NELL1: variants seen among roughly 807,000 people sequenced by gnomAD.
The protein encoded by NELL1 is neural EGFL like 1.
Under a neutral mutation model 107.4 loss-of-function variants are expected in NELL1, and 76 were observed. The ratio of observed to expected loss-of-function variants is 0.71; its 90% CI spans 0.59 to 0.86. The LOEUF (loss-of-function observed/expected upper bound fraction) is 0.86, where lower values mean the gene tolerates loss of function less well. Ranked by LOEUF, NELL1 falls within the 40% of genes least tolerant of loss-of-function variation. The pLI, the probability that NELL1 is intolerant of heterozygous loss-of-function variation, is 0.00. For missense variants in NELL1, 1,024 were observed against 1,005.5 expected (o/e 1.02, Z -0.25); for synonymous variants, 353 against 341.2 (o/e 1.03, Z -0.38).
At chr11:21,327,918 G>A (rs1850182213) in intron 14 of NELL1, among the ~76,000 whole-genome samples, 1 of 152,154 alleles carries the variant, frequency 6.6e-6, no homozygotes, top group Admixed American at 6.6e-5. Context: ...AGATGATTTA[G>A]GGTATCTGGG....
chr11:21,512,620 T>C lies in NELL1; in HGVS notation c.1646-21754T>C, dbSNP rs1019165007. Among the ~76,000 whole-genome samples the C allele has an allele frequency of 2.6e-5, 4 of 152,096 alleles. No individual in the cohort carries two copies. In the East Asian group the frequency reaches 7.7e-4, roughly 29 times the overall value. ...GGGGAAATGAAAACCAACGTGTATATTCACCTACTACAAATAGTAGTAGAA... is the reference window on the plus strand; with the variant it reads ...GGGGAAATGAAAACCAACGTGTATACTCACCTACTACAAATAGTAGTAGAA... On this transcript the variant is annotated intron_variant, in intron 15 of 19. Transcript: ENST00000357134.
chr11:21,245,244 G>T (rs540043514), intron 14 of NELL1, among the ~76,000 whole-genome samples: 33 of 152,186 alleles, frequency 2.2e-4, no homozygotes, highest in Non-Finnish European at 3.7e-4. Flanking sequence ...CTGTGAAATA[G>T]CTCAGTGGTT....
At chr11:21,077,963 TATA>T (rs1854180504) in intron 12 of NELL1, among the ~76,000 whole-genome samples, 1 of 152,016 alleles carries the variant, frequency 6.6e-6, no homozygotes, top group South Asian at 2.1e-4. Context: ...TAGTAAATTA[TATA>T]ATAACATTTT....
chr11:21,337,193 G>A (rs969355379), intron 14 of NELL1, among the ~76,000 whole-genome samples: 2 of 152,180 alleles, frequency 1.3e-5, no homozygotes, highest in African/African-American at 4.8e-5. Flanking sequence ...GGCCTGGGGT[G>A]TACTAGTCAG....
At chr11:21,216,556 C>T (rs988147698) in intron 13 of NELL1, among the ~76,000 whole-genome samples, 3 of 152,198 alleles carry the variant, frequency 2.0e-5, no homozygotes, top group Non-Finnish European at 4.4e-5. Flanking sequence ...CCATGGCAGC[C>T]CACCTCTTGC....
At chr11:21,145,994 C>T (rs2041872555) in intron 13 of NELL1, among the ~76,000 whole-genome samples, 2 of 152,126 alleles carry the variant, frequency 1.3e-5, no homozygotes, top group Admixed American at 1.3e-4. Flanking sequence ...AGACTGTGTG[C>T]CCTCAGACTG....
chr11:21,437,895 G>A (rs925346652), intron 15 of NELL1, among the ~76,000 whole-genome samples: 3 of 152,114 alleles, frequency 2.0e-5, no homozygotes, highest in Non-Finnish European at 4.4e-5. Context: ...TTGCATTCAA[G>A]GTTGTTAGTG....
At chr11:21,144,966 T>C (rs1262766344) in intron 13 of NELL1, among the ~76,000 whole-genome samples, 1 of 152,166 alleles carries the variant, frequency 6.6e-6, no homozygotes, top group Non-Finnish European at 1.5e-5. Context: ...GGGCAAATCA[T>C]TTTAACCTCT....
intron 15 of NELL1, among the ~76,000 whole-genome samples, chr11:21,528,482 C>T (rs1208397478): frequency 6.8e-6 from 1 of 147,902 alleles, no homozygotes; most frequent in Non-Finnish European, 1.5e-5. Context: ...TGTTTCCTCT[C>T]TTGCCATGTG....
intron 12 of NELL1, among the ~76,000 whole-genome samples, chr11:20,962,505 T>C (rs537322956): frequency 6.6e-5 from 10 of 152,176 alleles, no homozygotes; most frequent in East Asian, 1.9e-4. Flanking sequence ...ATAGCCACCA[T>C]TCCTGACCCC....
Position 21,295,144 on chromosome 11 carries a change from A to G in NELL1, c.1549+65690A>G, listed in dbSNP as rs115746668. Among the ~76,000 whole-genome samples the G allele has an allele frequency of 8.9e-3, 1,359 of 152,166 alleles. 21 individuals carry two copies. Among genetic ancestry groups the G allele is most frequent in the African/African-American group, 0.03 (1,235 of 41,548 alleles). On this transcript the variant is annotated intron_variant, in intron 14 of 19. Transcript: ENST00000357134. The stretch of plus-strand genomic sequence containing the variant: ...AAATATTAATAAATTTAATTCTCAC[A>G]TTCACCCATTATGTTGATAAAGAAC...
chr11:21,127,519 G>A lies in NELL1; in HGVS notation c.1426+13805G>A, dbSNP rs1418726998. Among the ~76,000 whole-genome samples, 5 of 152,194 alleles carry A rather than the reference G, an allele frequency of 3.3e-5. No individual in the cohort carries two copies. The East Asian group carries it at 9.7e-4, about 29-fold the overall frequency. ...TAGTCCCAGCTACTCATGAAGCTGA[G>A]GAAGAGGATTGCTTGAGCCTAGTAG... On this transcript the variant is annotated intron_variant, in intron 13 of 19. Transcript: ENST00000357134.
At chr11:21,356,588 C>T (rs1850939055) in intron 14 of NELL1, among the ~76,000 whole-genome samples, 1 of 152,162 alleles carries the variant, frequency 6.6e-6, no homozygotes, top group African/African-American at 2.4e-5. Flanking sequence ...TCCTGGAGAA[C>T]AGGATCTATA....
chr11:20,900,292 A>G (rs989179880), intron 5 of NELL1, among the ~76,000 whole-genome samples: 4 of 152,206 alleles, frequency 2.6e-5, no homozygotes, highest in African/African-American at 7.2e-5. Flanking sequence ...TTTGAGGCCT[A>G]GGCTTGAAAC....
chr11:20,877,052 G>A (rs1001764207), intron 4 of NELL1, among the ~76,000 whole-genome samples: 2 of 152,084 alleles, frequency 1.3e-5, no homozygotes, highest in African/African-American at 2.4e-5. Context: ...GCCAAAAGAG[G>A]GGCTTAGCTT....
At chr11:21,243,342 C>T (rs17233130) in intron 14 of NELL1, among the ~76,000 whole-genome samples, 13,661 of 151,852 alleles carry the variant, frequency 0.09, 756 homozygotes, top group Non-Finnish European at 0.14. Flanking sequence ...AAGCATAGGC[C>T]GTTTTTGCAC....
At chr11:21,463,574 A>G (rs977725052) in intron 15 of NELL1, among the ~76,000 whole-genome samples, 1 of 152,124 alleles carries the variant, frequency 6.6e-6, no homozygotes, top group African/African-American at 2.4e-5. Context: ...GTAGTTTGAC[A>G]GAGTATCCCC....
intron 15 of NELL1, among the ~76,000 whole-genome samples, chr11:21,398,678 T>C (rs7101928): frequency 0.57 from 85,813 of 151,504 alleles, 24,616 homozygotes; most frequent in South Asian, 0.62. Flanking sequence ...GATCAGCTGG[T>C]CTTTACAATG....
intron 14 of NELL1, among the ~76,000 whole-genome samples, chr11:21,356,921 G>C (rs1468039803): frequency 6.6e-6 from 1 of 152,160 alleles, no homozygotes; most frequent in Non-Finnish European, 1.5e-5. Context: ...TTCCATTCCT[G>C]AGTTACTTCA....
Sources: gnomAD v4.1 joint callset for allele counts (sites outside exome capture counted in the v4.1 genomes callset) on GRCh38, gnomAD v4.1.1 for gene constraint, MANE v1.5 for transcripts, NCBI Gene and HGNC (gene_info 2026-07-23, HGNC 2026-07-21) for gene names.